NFATC2: variants seen among roughly 807,000 people sequenced by gnomAD.
NFATC2 encodes the protein nuclear factor of activated T-cells, cytoplasmic 2.
Under a neutral mutation model 87.3 loss-of-function variants are expected in NFATC2, and 22 were observed. The ratio of observed to expected loss-of-function variants is 0.25; its 90% confidence interval spans 0.18 to 0.36. The LOEUF (loss-of-function observed/expected upper bound fraction) is 0.36, where lower values mean the gene tolerates loss of function less well. NFATC2 is among the 10% of genes least tolerant of loss of function. NFATC2 has a pLI of 1.00. For missense variants in NFATC2, 1,149 were observed against 1,259.1 expected, an observed-to-expected ratio of 0.91 and a Z score of 1.32; for synonymous variants, 565 against 542.2, an observed-to-expected ratio of 1.04 and a Z score of -0.58.
chr20:51,447,350 T>C lies in NFATC2; in HGVS notation c.1849+7198A>G, dbSNP rs1276934340. On this transcript the variant is annotated intron_variant, in intron 6 of 10. Transcript: ENST00000371564. ...AAAATTCTCTTCAAACAATTTAAGT[T>C]TCAAAGCTGAGTAATCTGATGCAGG... Among the ~76,000 whole-genome samples, 4 of 152,186 alleles carry C rather than the reference T, an allele frequency of 2.6e-5. No individual in the cohort carries two copies. The East Asian group carries it at 7.7e-4, about 29-fold the overall frequency.
intron 9 of NFATC2, among the ~76,000 whole-genome samples, chr20:51,422,432 C>T (rs1295511614): frequency 6.6e-6 from 1 of 152,160 alleles, no homozygotes; most frequent in Non-Finnish European, 1.5e-5. Context: ...ATGGGCAAAA[C>T]AGGCCCCAGC....
chr20:51,453,698 G>A (rs1339242620), intron 6 of NFATC2, among the ~76,000 whole-genome samples: 5 of 152,132 alleles, frequency 3.3e-5, no homozygotes, highest in African/African-American at 7.2e-5. Context: ...AACATTATGC[G>A]TCTCAGAGCA....
At chr20:51,477,553 AT>A (rs2146526071) in intron 3 of NFATC2, among the ~76,000 whole-genome samples, 1 of 116,150 alleles carries the variant, frequency 8.6e-6, no homozygotes, top group East Asian at 2.3e-4. Flanking sequence ...ATATATATAT[AT>A]ATATATATAT....
At chr20:51,541,750 G>A (rs1404593877) in intron 1 of NFATC2, among the ~76,000 whole-genome samples, 1 of 152,164 alleles carries the variant, frequency 6.6e-6, no homozygotes, top group Non-Finnish European at 1.5e-5. Flanking sequence ...GAGGAAATGG[G>A]CCGGCCTTAT....
chr20:51,397,919 C>T (rs988874456), intron 10 of NFATC2, among the ~76,000 whole-genome samples: 2 of 152,164 alleles, frequency 1.3e-5, no homozygotes, highest in African/African-American at 2.4e-5. Context: ...ATGCAACCTT[C>T]CTTCCTCAAT....
chr20:51,544,504 C>A (rs2076873380), upstream of NFATC2, among the ~76,000 whole-genome samples: 1 of 152,158 alleles, frequency 6.6e-6, no homozygotes, highest in South Asian at 2.1e-4. Context: ...ATCCATCATT[C>A]CACAAATATT....
At chr20:51,551,021 A>C (rs993004097) in intron 1 of NFATC2, among the ~76,000 whole-genome samples, 28 of 152,262 alleles carry the variant, frequency 1.8e-4, no homozygotes, top group African/African-American at 6.8e-4. Flanking sequence ...GAAACGTTTT[A>C]AGTTGGATTC....
At chr20:51,458,218 A>G (rs1307050586) in intron 5 of NFATC2, among the ~76,000 whole-genome samples, 1 of 152,066 alleles carries the variant, frequency 6.6e-6, no homozygotes, top group Non-Finnish European at 1.5e-5. Context: ...CCTTGACACT[A>G]TTGCCATTTG....
At chr20:51,454,776 C>T (rs1041624765) in intron 5 of NFATC2, 88 bp from the exon 6 acceptor site, 3 of 1,430,536 alleles carry the variant, frequency 2.1e-6, no homozygotes, top group Non-Finnish European at 2.9e-6. Context: ...TGAGATATGA[C>T]ATGCTCTGCC....
chr20:51,431,998 T>C, intron 9 of NFATC2, 69 bp downstream of exon 9: 1 of 1,461,508 alleles, frequency 6.8e-7, no homozygotes, highest in Non-Finnish European at 9.2e-7. Flanking sequence ...GGCCATGCAG[T>C]GAACTTCCTG....
chr20:51,536,585 T>C (rs951178354), intron 1 of NFATC2, among the ~76,000 whole-genome samples: 13 of 152,218 alleles, frequency 8.5e-5, no homozygotes, highest in Non-Finnish European at 1.5e-5. Context: ...TTTAAAGTTT[T>C]AGGAGCCTCT....
intron 9 of NFATC2, among the ~76,000 whole-genome samples, chr20:51,414,938 C>T (rs1266372488): frequency 6.6e-6 from 1 of 151,960 alleles, no homozygotes; most frequent in Non-Finnish European, 1.5e-5. Context: ...CTGAAATCTG[C>T]CCCTTTCTTT....
At chr20:51,472,713 G>A (rs898339745) in intron 5 of NFATC2, among the ~76,000 whole-genome samples, 3 of 134,638 alleles carry the variant, frequency 2.2e-5, no homozygotes, top group South Asian at 2.3e-4. Context: ...TCAGCTCATC[G>A]CAACCTCCAC....
chr20:51,429,393 C>T (rs1982346199), intron 9 of NFATC2, among the ~76,000 whole-genome samples: 1 of 152,348 alleles, frequency 6.6e-6, no homozygotes, highest in Non-Finnish European at 1.5e-5. Context: ...TGGGTGGAAA[C>T]CATTCCACTG....
At chr20:51,420,994 G>A (rs530836104) in intron 9 of NFATC2, among the ~76,000 whole-genome samples, 3 of 151,016 alleles carry the variant, frequency 2.0e-5, no homozygotes, top group East Asian at 1.9e-4. Flanking sequence ...CCAGGAAATC[G>A]ACACTGCAGT....
chr20:51,550,966 C>A (rs1442638679), intron 1 of NFATC2, among the ~76,000 whole-genome samples: 1 of 152,224 alleles, frequency 6.6e-6, no homozygotes, highest in Non-Finnish European at 1.5e-5. Context: ...CATGTCCTAA[C>A]AACCTCCCAT....
chr20:51,420,398 C>T (rs1980700630), intron 9 of NFATC2, among the ~76,000 whole-genome samples: 1 of 152,108 alleles, frequency 6.6e-6, no homozygotes, highest in Non-Finnish European at 1.5e-5. Context: ...ATGAATGAAG[C>T]CTCTCAGTTT....
At chr20:51,518,203 G>A (rs185032352) in intron 2 of NFATC2, among the ~76,000 whole-genome samples, 1 of 152,236 alleles carries the variant, frequency 6.6e-6, no homozygotes, top group East Asian at 1.9e-4. Context: ...CTTTTCCCCT[G>A]GGAATTTTGA....
At chr20:51,394,326 G>C (rs79030560) in intron 10 of NFATC2, among the ~76,000 whole-genome samples, 2,653 of 152,126 alleles carry the variant, frequency 0.017, 76 homozygotes, top group African/African-American at 0.06. Context: ...CGAGTACCAG[G>C]GTGCAGGGGA....
Sources: gnomAD v4.1 joint callset for allele counts (sites outside exome capture counted in the v4.1 genomes callset) on GRCh38, gnomAD v4.1.1 for gene constraint, MANE v1.5 for transcripts, NCBI Gene and HGNC (gene_info 2026-07-23, HGNC 2026-07-21) for gene names.